Variants in CNTNAP4 observed in about 807,000 individuals in gnomAD.
CNTNAP4 encodes the protein contactin associated protein family member 4, also known as contactin-associated protein-like 4.
CNTNAP4 carries 98 observed loss-of-function variants against 148.4 expected under a neutral mutation model. The ratio of observed to expected loss-of-function variants is 0.66; its 90% confidence interval spans 0.56 to 0.78. CNTNAP4 has a LOEUF of 0.78. CNTNAP4 is among the 30% of genes least tolerant of loss of function. The pLI, the probability that CNTNAP4 is intolerant of heterozygous loss-of-function variation, is 0.00. For synonymous variants in CNTNAP4, 730 were observed against 565.1 expected (o/e 1.29, Z -4.14); for missense variants, 1,935 against 1,565.6 (o/e 1.24, Z -3.98).
At chr16:76,514,615 A>T (rs987958873) in intron 15 of CNTNAP4, among the ~76,000 whole-genome samples, 1 of 152,148 alleles carries the variant, frequency 6.6e-6, no homozygotes, top group East Asian at 1.9e-4. Context: ...AACATCTATG[A>T]ACAGCTTTGT....
intron 4 of CNTNAP4, among the ~76,000 whole-genome samples, chr16:76,435,066 AAGGAT>A (rs2079768325): frequency 6.6e-6 from 1 of 151,984 alleles, no homozygotes; most frequent in South Asian, 2.1e-4. Context: ...CTCCTCGGGG[AAGGAT>A]AGGAGAAAGA....
intron 1 of CNTNAP4, among the ~76,000 whole-genome samples, chr16:76,293,653 G>T (rs1959175609): frequency 6.6e-6 from 1 of 152,074 alleles, no homozygotes; most frequent in Non-Finnish European, 1.5e-5. Flanking sequence ...TCACTTGACA[G>T]AGCATCTCTT....
chr16:76,518,271 G>C (rs62048218), intron 15 of CNTNAP4, among the ~76,000 whole-genome samples: 5,552 of 152,156 alleles, frequency 0.036, 130 homozygotes, highest in South Asian at 0.11. Flanking sequence ...GGGGTTACAG[G>C]CATCTGCCAC....
At chr16:76,451,765 G>A (rs1410497372) in intron 7 of CNTNAP4, among the ~76,000 whole-genome samples, 2 of 151,910 alleles carry the variant, frequency 1.3e-5, no homozygotes, top group African/African-American at 4.8e-5. Context: ...AGGTTAATGG[G>A]TACAAAAATA....
chr16:76,413,915 A>G (rs2078889752), intron 3 of CNTNAP4, among the ~76,000 whole-genome samples: 1 of 151,298 alleles, frequency 6.6e-6, no homozygotes, highest in Non-Finnish European at 1.5e-5. Context: ...ATTCATTTTT[A>G]TATATAGACT....
chr16:76,398,237 C>T (rs1427682107), intron 3 of CNTNAP4, among the ~76,000 whole-genome samples: 2 of 150,448 alleles, frequency 1.3e-5, no homozygotes, highest in East Asian at 2.0e-4. Flanking sequence ...TGGTGCCCAC[C>T]CTGGTTGAGG....
intron 15 of CNTNAP4, among the ~76,000 whole-genome samples, chr16:76,503,431 G>A (rs1424899287): frequency 6.6e-6 from 1 of 152,136 alleles, no homozygotes; most frequent in Non-Finnish European, 1.5e-5. Context: ...CTGTTTACAG[G>A]TAACATGACT....
intron 10 of CNTNAP4, among the ~76,000 whole-genome samples, chr16:76,471,847 T>A (rs2081388965): frequency 6.6e-6 from 1 of 152,128 alleles, no homozygotes; most frequent in African/African-American, 2.4e-5. Context: ...AATGTAAGAT[T>A]TGAATTGTGG....
intron 1 of CNTNAP4, among the ~76,000 whole-genome samples, chr16:76,283,993 A>G (rs1342555147): frequency 6.6e-6 from 1 of 152,020 alleles, no homozygotes; most frequent in African/African-American, 2.4e-5. Context: ...ATCTGATGAA[A>G]TATTAAATCA....
chr16:76,501,723 G>C (rs1318301672), intron 15 of CNTNAP4, among the ~76,000 whole-genome samples: 1 of 152,010 alleles, frequency 6.6e-6, no homozygotes, highest in Admixed American at 6.6e-5. Flanking sequence ...TGAGAAACTA[G>C]AGCTTTGAAC....
At chr16:76,535,449 T>G (rs2084173351) in intron 17 of CNTNAP4, 96 bp from the exon 18 acceptor site, 1 of 1,306,166 alleles carries the variant, frequency 7.7e-7, no homozygotes, top group Admixed American at 2.6e-5. Flanking sequence ...ATCCATTTTT[T>G]TTGCCGTTCT....
At chr16:76,539,989 T>A (rs2084380883) in intron 20 of CNTNAP4, 137 bp downstream of exon 20, 1 of 621,680 alleles carries the variant, frequency 1.6e-6, no homozygotes, top group Non-Finnish European at 2.7e-6. Flanking sequence ...AGACCTCAAA[T>A]GTAGTCAGGA....
intron 3 of CNTNAP4, among the ~76,000 whole-genome samples, chr16:76,365,263 T>C (rs1415615874): frequency 6.6e-6 from 1 of 152,212 alleles, no homozygotes; most frequent in Non-Finnish European, 1.5e-5. Flanking sequence ...TACCATGCTG[T>C]TTTTGTTACT....
At chr16:76,318,775 AATC>A (rs1962093139) in intron 2 of CNTNAP4, among the ~76,000 whole-genome samples, 1 of 148,722 alleles carries the variant, frequency 6.7e-6, no homozygotes, top group African/African-American at 2.5e-5. Context: ...TAATAATCAT[AATC>A]ATAATAATTA....
chr16:76,330,262 G>T (rs545338036), intron 2 of CNTNAP4, among the ~76,000 whole-genome samples: 8 of 152,150 alleles, frequency 5.3e-5, no homozygotes, highest in Admixed American at 5.2e-4. Flanking sequence ...TCTGAAAAAG[G>T]TGATAAATTC....
At chr16:76,456,413 A>C (rs767589216) in intron 8 of CNTNAP4, among the ~76,000 whole-genome samples, 47 of 152,226 alleles carry the variant, frequency 3.1e-4, no homozygotes, top group Non-Finnish European at 5.1e-4. Context: ...CTAAAGTTGT[A>C]ATTGGTAAAT....
chr16:76,491,054 T>C (rs1356799976), intron 13 of CNTNAP4, among the ~76,000 whole-genome samples: 2 of 152,094 alleles, frequency 1.3e-5, no homozygotes, highest in Non-Finnish European at 2.9e-5. Flanking sequence ...GCATTTCCGA[T>C]TAAGTCTCTC....
intron 1 of CNTNAP4, among the ~76,000 whole-genome samples, chr16:76,287,440 A>G (rs1273863072): frequency 1.3e-5 from 2 of 152,170 alleles, no homozygotes; most frequent in African/African-American, 4.8e-5. Flanking sequence ...AAGCTTTGCT[A>G]TGTGCTTGCC....
Position 76,528,607 on chromosome 16 carries a change from C to G in CNTNAP4, c.2755+6350C>G, listed in dbSNP as rs150402041. ...GGTAATCTCTCAGAAGTGGCTGTTG[C>G]AATGAGACCACGTGAAAGAATCCAG... is the stretch of plus-strand genomic sequence containing the variant. On this transcript the variant is annotated intron_variant, in intron 17 of 23. Coordinates refer to ENST00000611870, the MANE Select transcript of CNTNAP4 (RefSeq NM_033401.5). Among the ~76,000 whole-genome samples, 712 of 152,288 alleles carry G rather than the reference C, an allele frequency of 4.7e-3. 4 individuals carry two copies. Among genetic ancestry groups the G allele is most frequent in the African/African-American group, 0.017 (692 of 41,556 alleles).
Sources: gnomAD v4.1 joint callset for allele counts (sites outside exome capture counted in the v4.1 genomes callset) on GRCh38, gnomAD v4.1.1 for gene constraint, MANE v1.5 for transcripts, NCBI Gene and HGNC (gene_info 2026-07-23, HGNC 2026-07-21) for gene names.